The following INVS variants were observed in gnomAD, a reference collection of about 807,000 sequenced individuals.
The protein encoded by INVS is inversin, also known as inversion of embryo turning homolog.
In INVS, 86 loss-of-function variants were observed where a neutral mutation model predicts 108.8. That is an observed-to-expected ratio of 0.79 (90% CI 0.66 to 0.95). INVS has a LOEUF of 0.95. Among genes scored for constraint, INVS ranks in the 40% least tolerant of loss-of-function variants. The pLI, the probability that INVS is intolerant of heterozygous loss-of-function variation, is 0.00. For missense variants in INVS, 1,169 were observed against 1,297.4 expected (o/e 0.90, Z 1.52); for synonymous variants, 455 against 473.5 (o/e 0.96, Z 0.51).
At chr9:100,245,815 C>T (rs1006680215) in intron 7 of INVS, among the ~76,000 whole-genome samples, 1 of 152,114 alleles carries the variant, frequency 6.6e-6, no homozygotes, top group African/African-American at 2.4e-5. Context: ...GAATGCAGAA[C>T]CTTCTCTGGA....
intron 2 of INVS, chr9:100,120,416 TGACTAAATCACCTCA>T (rs1827692041): frequency 6.0e-6 from 1 of 165,410 alleles, no homozygotes; most frequent in Admixed American, 6.0e-5. Flanking sequence ...ATAAAGTTTA[TGACTAAATCACCTCA>T]TTGTCATAAT....
At chr9:100,263,846 T>TTA (rs1038368554) in intron 10 of INVS, among the ~76,000 whole-genome samples, 8 of 152,096 alleles carry the variant, frequency 5.3e-5, no homozygotes, top group African/African-American at 9.7e-5. Context: ...TGTTTTTTAT[T>TTA]TATATATATA....
chr9:100,195,174 T>G (rs1228400604), intron 3 of INVS, among the ~76,000 whole-genome samples: 1 of 152,204 alleles, frequency 6.6e-6, no homozygotes, highest in Non-Finnish European at 1.5e-5. Flanking sequence ...GATTTGGAGC[T>G]GAGAGGCAAA....
chr9:100,109,431 G>A (rs1241536065), intron 2 of INVS, among the ~76,000 whole-genome samples: 1 of 152,134 alleles, frequency 6.6e-6, no homozygotes, highest in Admixed American at 6.5e-5. Flanking sequence ...ATATGAAAGA[G>A]CACTAAATGC....
intron 3 of INVS, among the ~76,000 whole-genome samples, chr9:100,198,560 G>C (rs1335021103): frequency 6.6e-6 from 1 of 150,892 alleles, no homozygotes; most frequent in African/African-American, 2.4e-5. Context: ...CAAAGTACTG[G>C]GATTACAGAC....
At position 100,252,442 on chromosome 9, in the gene INVS, G is replaced by T; in HGVS notation, c.1234+4G>T. The T allele has an allele frequency of 6.2e-7, 1 of 1,613,332 alleles. No individual in the cohort carries two copies. Among genetic ancestry groups the T allele is most frequent in the Non-Finnish European group, 8.5e-7 (1 of 1,179,410 alleles). On this transcript the variant is annotated splice_donor_region_variant and intron_variant, in intron 9 of 16. Coordinates refer to ENST00000262457, the MANE Select transcript of INVS (RefSeq NM_014425.5). ...GTGATTCAGACACTCATTAAAGGTG[G>T]GCTAATAAGAGTACTCCTAATAAGT...
At chr9:100,112,065 G>A (rs562476348) in intron 2 of INVS, among the ~76,000 whole-genome samples, 4 of 152,106 alleles carry the variant, frequency 2.6e-5, no homozygotes, top group Non-Finnish European at 4.4e-5. Context: ...TCTGCCTTCC[G>A]GGTTCAAGTG....
chr9:100,281,182 T>A (rs1230643771), intron 12 of INVS, among the ~76,000 whole-genome samples: 1 of 152,218 alleles, frequency 6.6e-6, no homozygotes, highest in African/African-American at 2.4e-5. Flanking sequence ...GGGGATGAAT[T>A]TTACCAGGAG....
intron 3 of INVS, among the ~76,000 whole-genome samples, chr9:100,165,243 G>A (rs1018291035): frequency 3.9e-5 from 6 of 151,920 alleles, no homozygotes; most frequent in African/African-American, 1.5e-4. Context: ...ATCATTTTTT[G>A]TTAGAATTAC....
chr9:100,164,535 A>ATT (rs1343572624), intron 3 of INVS, among the ~76,000 whole-genome samples: 1 of 152,126 alleles, frequency 6.6e-6, no homozygotes, highest in Non-Finnish European at 1.5e-5. Context: ...GGTCATGCTA[A>ATT]TCTTATTTCC....
chr9:100,143,102 T>C (rs1482414281), intron 3 of INVS, among the ~76,000 whole-genome samples: 2 of 152,064 alleles, frequency 1.3e-5, no homozygotes, highest in Non-Finnish European at 2.9e-5. Context: ...GCCTGATGGG[T>C]GTCAGGGTCA....
intron 3 of INVS, among the ~76,000 whole-genome samples, chr9:100,148,233 TA>T (rs1279788308): frequency 2.0e-5 from 3 of 151,870 alleles, no homozygotes; most frequent in African/African-American, 7.3e-5. Flanking sequence ...TCTAAAGACA[TA>T]TAAGAAACTA....
chr9:100,195,040 C>T (rs1192623832), intron 3 of INVS, among the ~76,000 whole-genome samples: 1 of 152,122 alleles, frequency 6.6e-6, no homozygotes, highest in Non-Finnish European at 1.5e-5. Flanking sequence ...TGTGAAGAGC[C>T]CCTTCCTCTG....
intron 7 of INVS, among the ~76,000 whole-genome samples, chr9:100,243,227 A>G (rs1831935463): frequency 6.6e-6 from 1 of 152,214 alleles, no homozygotes; most frequent in Non-Finnish European, 1.5e-5. Context: ...TTGGAACTAG[A>G]ACAATCTCGG....
chr9:100,298,379 TG>T (rs2118787917), intron 16 of INVS: 1 of 944,000 alleles, frequency 1.1e-6, no homozygotes, highest in African/African-American at 1.8e-5. Context: ...TTCTCCAAGA[TG>T]GGAAGAACAC....
chr9:100,246,086 G>A (rs574699300), intron 7 of INVS, among the ~76,000 whole-genome samples: 2 of 151,578 alleles, frequency 1.3e-5, no homozygotes, highest in African/African-American at 2.4e-5. Context: ...CTGGGAGGCA[G>A]AGGTTGCAGT....
chr9:100,102,541 C>T (rs1157027664), intron 1 of INVS: 1 of 152,108 alleles, frequency 6.6e-6, no homozygotes, highest in Non-Finnish European at 1.5e-5. Context: ...ACCTAGATAC[C>T]TTTTAATTTA....
At chr9:100,116,973 C>T in intron 2 of INVS, 2 of 1,560,772 alleles carry the variant, frequency 1.3e-6, no homozygotes, top group South Asian at 2.2e-5. Flanking sequence ...GTGTAGCAGT[C>T]ATCGATACCA....
chr9:100,186,525 T>C (rs1405211754), intron 3 of INVS, among the ~76,000 whole-genome samples: 5 of 152,092 alleles, frequency 3.3e-5, no homozygotes, highest in Admixed American at 3.3e-4. Context: ...CATGCCAACA[T>C]CTCTTGTTTT....
Sources: allele counts gnomAD v4.1 joint callset (sites outside exome capture counted in the v4.1 genomes callset), GRCh38; gene constraint gnomAD v4.1.1; transcripts MANE v1.5; gene names NCBI Gene and HGNC (gene_info 2026-07-23, HGNC 2026-07-21).